The following TRIM33 variants were observed in gnomAD, a reference collection of about 807,000 sequenced individuals.
The protein encoded by TRIM33 is tripartite motif containing 33.
In TRIM33, 20 loss-of-function variants were observed where a neutral mutation model predicts 125.4. The observed-to-expected ratio is 0.16, with a 90% confidence interval of 0.11 to 0.23. The LOEUF (loss-of-function observed/expected upper bound fraction) is 0.23. TRIM33 is among the 10% of genes least tolerant of loss of function. The pLI is 1.00. For missense variants in TRIM33, 920 were observed against 1,411.4 expected (o/e 0.65, Z 5.58); for synonymous variants, 564 against 513.9 (o/e 1.10, Z -1.32).
chr1:114,458,614 A>G (rs1649763511), intron 4 of TRIM33, among the ~76,000 whole-genome samples: 2 of 152,096 alleles, frequency 1.3e-5, no homozygotes. Flanking sequence ...CCTCATCTCC[A>G]AATTCTCAAG....
intron 14 of TRIM33, among the ~76,000 whole-genome samples, chr1:114,406,564 C>T (rs1459314636): frequency 6.6e-6 from 1 of 152,144 alleles, no homozygotes; most frequent in Admixed American, 6.5e-5. Flanking sequence ...TTCATGTCAG[C>T]AATCTTAATG....
At chr1:114,484,725 C>T (rs1203250227) in intron 1 of TRIM33, among the ~76,000 whole-genome samples, 1 of 152,076 alleles carries the variant, frequency 6.6e-6, no homozygotes, top group Non-Finnish European at 1.5e-5. Context: ...ATTAGCCAGG[C>T]ATGGCAGTGT....
rs772897237 is a variant in TRIM33, at chr1:114,406,979, G to C, written c.2380C>G (p.Gln794Glu). ...EICSFSGGVKQEKTEDGRRSA... is the reference protein window; with the variant it reads ...EICSFSGGVKEEKTEDGRRSA... The stretch of plus-strand genomic sequence containing the variant: ...CTCCTGCCATCCTCTGTTTTTTCTT[G>C]TTTTACACCTCCTGAAAAGCTACAT... The change falls in exon 14 of 20, where the codon CAA (glutamine) becomes GAA (glutamate). Residue 794 changes from glutamine (Q) to glutamate (E), a missense_variant. Coordinates refer to ENST00000358465, the MANE Select transcript of TRIM33 (RefSeq NM_015906.4). 6.2e-7 allele frequency: 1 copy of C among 1,613,720 alleles called. No homozygotes were observed. Among genetic ancestry groups the C allele is most frequent in the African/African-American group, 1.3e-5 (1 of 74,886 alleles).
intron 4 of TRIM33, among the ~76,000 whole-genome samples, chr1:114,460,994 G>C (rs190780089): frequency 2.0e-5 from 3 of 151,904 alleles, no homozygotes; most frequent in Admixed American, 2.0e-4. Flanking sequence ...CAAACTCAAG[G>C]AAGGGGTCGT....
intron 16 of TRIM33, 68 bp from the exon 17 acceptor site, chr1:114,401,531 G>T: frequency 7.5e-7 from 1 of 1,330,940 alleles, no homozygotes; most frequent in Non-Finnish European, 1.1e-6. Context: ...TCGAGAATGA[G>T]AACTATATCA....
chr1:114,511,097 CG>C lies in TRIM33; in HGVS notation c.-22del. ...GCCATGTTTTCCTCTTTGAACCCGC[CG>C]GACCGCCCCGCGCCGCCCGCCGCCC... On this transcript the variant is annotated 5_prime_UTR_variant, in exon 1 of 20. Coordinates refer to ENST00000358465, the MANE Select transcript of TRIM33 (RefSeq NM_015906.4). The C allele has an allele frequency of 8.5e-7, 1 of 1,173,480 alleles. No individual in the cohort carries two copies. Among genetic ancestry groups the C allele is most frequent in the Non-Finnish European group, 1.0e-6 (1 of 953,756 alleles). The allele number at this position is 1,173,480 out of a possible 1,614,324, so 72.7% of individuals were successfully genotyped here. A position where few individuals can be genotyped will look rare whatever the true frequency, so the allele number is the denominator to read the frequency against.
chr1:114,399,774 A>G (rs909388095), intron 17 of TRIM33, among the ~76,000 whole-genome samples, 165 bp from the exon 18 acceptor site: 1 of 152,118 alleles, frequency 6.6e-6, no homozygotes, highest in Admixed American at 6.5e-5. Context: ...TGAAAACCAA[A>G]TCTTATGTGG....
intron 4 of TRIM33, among the ~76,000 whole-genome samples, chr1:114,453,364 G>GAA (rs369947780): frequency 1.4e-4 from 18 of 131,036 alleles, no homozygotes; most frequent in South Asian, 2.4e-4. Context: ...TCTGTCTCAG[G>GAA]AAAAAAAAAA....
intron 11 of TRIM33, among the ~76,000 whole-genome samples, chr1:114,414,689 T>C (rs1050275669): frequency 3.9e-5 from 6 of 152,178 alleles, no homozygotes; most frequent in Non-Finnish European, 7.3e-5. Context: ...TTAAAAAATC[T>C]ATAAATGTCT....
In TRIM33 at chr1:114,420,675, T is replaced by C. The variant is rs544735456; in HGVS notation, c.2061+761A>G. Among the ~76,000 whole-genome samples, 31 of 152,346 alleles carry C rather than the reference T, an allele frequency of 2.0e-4. No homozygotes were observed. In the South Asian group the frequency reaches 5.2e-3, roughly 25 times the overall value. ...TTGTTTAACTGGCAAATAACAATTG[T>C]GTGTACTTGTGGTATACAATGTAAT... On this transcript the variant is annotated intron_variant, in intron 11 of 19. Coordinates refer to ENST00000358465, the MANE Select transcript of TRIM33 (RefSeq NM_015906.4).
In TRIM33 at chr1:114,430,781, T is replaced by C. The variant is rs750293875; in HGVS notation, c.1155+17A>G. 4 of 1,377,322 alleles carry C rather than the reference T, an allele frequency of 2.9e-6. No homozygotes were observed. The highest frequency in any genetic ancestry group is 1.4e-5 in the African/African-American group (1 of 69,748). The allele number at this position is 1,377,322 out of a possible 1,614,324, so 85.3% of individuals were successfully genotyped here. A position where few individuals can be genotyped will look rare whatever the true frequency, so the allele number is the denominator to read the frequency against. On this transcript the variant is annotated intron_variant, in intron 6 of 19. Coordinates refer to ENST00000358465, the MANE Select transcript of TRIM33 (RefSeq NM_015906.4). ...CAAGAGAAGCAGTTTTTGTTTTATT[T>C]TGGCTTTGAACCATACCTCTAGCTG...
At chr1:114,472,043 C>T (rs752400792) in intron 1 of TRIM33, among the ~76,000 whole-genome samples, 4 of 152,076 alleles carry the variant, frequency 2.6e-5, no homozygotes, top group African/African-American at 4.8e-5. Context: ...TTATAGGGTA[C>T]GACCACAGAC....
chr1:114,446,743 T>C (rs1397047163), intron 4 of TRIM33, among the ~76,000 whole-genome samples: 1 of 152,150 alleles, frequency 6.6e-6, no homozygotes, highest in Non-Finnish European at 1.5e-5. Flanking sequence ...ATAACAAGAT[T>C]ATACATTCCA....
rs79186935 is a variant in TRIM33 at position 114,467,527 on chromosome 1, C to T, written c.527-3139G>A. ...ATCAAGGACAATAACCCTTGTTACA[C>T]CAATATTTACAAGTCAAGCAGAAGA... On this transcript the variant is annotated intron_variant, in intron 1 of 19. Transcript: ENST00000358465. 3.4e-4 allele frequency among the ~76,000 whole-genome samples: 52 copies of T among 152,008 alleles called. No individual in the cohort carries two copies. The East Asian group carries it at 9.3e-3, about 27-fold the overall frequency.
intron 1 of TRIM33, among the ~76,000 whole-genome samples, chr1:114,498,288 T>C (rs1652498725): frequency 6.6e-6 from 1 of 152,088 alleles, no homozygotes; most frequent in Non-Finnish European, 1.5e-5. Context: ...AGAAAGAAGA[T>C]ATTAAGTCCA....
In TRIM33 at chr1:114,433,751, A is replaced by G. The variant is rs778226096; in HGVS notation, c.924-18T>C. On this transcript the variant is annotated intron_variant, in intron 4 of 19. Transcript: ENST00000358465. ...ACTGATACCTTAAAACCAAAACAAA[A>G]CTACATTTAAAACAAAACATTTATG... The G allele has an allele frequency of 1.4e-6, 2 of 1,411,256 alleles. No homozygotes were observed. The highest frequency in any genetic ancestry group is 1.8e-4 in the Middle Eastern group (1 of 5,532). 87.4% of individuals were successfully genotyped at this position (1,411,256 alleles called of 1,614,324 possible).
intron 4 of TRIM33, among the ~76,000 whole-genome samples, chr1:114,455,047 T>C (rs1649541627): frequency 6.6e-6 from 1 of 152,074 alleles, no homozygotes; most frequent in Non-Finnish European, 1.5e-5. Context: ...AGGCACAGGA[T>C]CTTTGGTTTT....
intron 4 of TRIM33, among the ~76,000 whole-genome samples, chr1:114,448,453 T>C (rs111337123): frequency 0.014 from 2,072 of 152,280 alleles, 45 homozygotes; most frequent in African/African-American, 0.046. Context: ...AACGGTCTAC[T>C]TGAGGGAAGT....
chr1:114,418,484 G>A (rs1344509772), intron 11 of TRIM33, among the ~76,000 whole-genome samples: 1 of 152,090 alleles, frequency 6.6e-6, no homozygotes, highest in Admixed American at 6.6e-5. Context: ...CTGACTTTGG[G>A]AGACATTTAG....
Sources: gnomAD v4.1 joint callset for allele counts (sites outside exome capture counted in the v4.1 genomes callset) on GRCh38, gnomAD v4.1.1 for gene constraint, MANE v1.5 for transcripts, NCBI Gene and HGNC (gene_info 2026-07-23, HGNC 2026-07-21) for gene names.